Variants in CSMD1 observed in about 807,000 individuals in gnomAD.
CSMD1 encodes the protein CUB and Sushi multiple domains 1.
In CSMD1, 213 loss-of-function variants were observed where a neutral mutation model predicts 417.5. That is an observed-to-expected ratio of 0.51 (90% CI 0.46 to 0.57). The LOEUF (loss-of-function observed/expected upper bound fraction) is 0.57, where lower values mean the gene tolerates loss of function less well. Among genes scored for constraint, CSMD1 ranks in the 20% least tolerant of loss-of-function variants. The probability of loss-of-function intolerance (pLI) is 0.00; values close to 1 mark genes in which losing one functional copy is unlikely to be tolerated. For synonymous variants in CSMD1, 2,862 were observed against 1,736.8 expected (o/e 1.65, Z -16.11); for missense variants, 6,923 against 4,529.7 (o/e 1.53, Z -15.17).
Position 4,345,783 on chromosome 8 carries a change from A to C in CSMD1, c.415+74170T>G, listed in dbSNP as rs1284534399. Among the ~76,000 whole-genome samples the C allele has an allele frequency of 3.3e-5, 5 of 152,254 alleles. 1 individual carries two copies. Among genetic ancestry groups the C allele is most frequent in the African/African-American group, 9.6e-5 (4 of 41,564 alleles). ...TCATCTCAACCCCGTTAAAATGCTAATTCTTCCACAAAACCAGTCTGTGCC... is the reference window on the plus strand; with the variant it reads ...TCATCTCAACCCCGTTAAAATGCTACTTCTTCCACAAAACCAGTCTGTGCC... On this transcript the variant is annotated intron_variant, in intron 3 of 69. Transcript: ENST00000635120.
At position 3,723,884 on chromosome 8, in the gene CSMD1, T is replaced by C. The variant is rs1585135802; in HGVS notation, c.932-15393A>G. ...AATAGACCAACACGTTTTACTATAA[T>C]AAAGTGCAAAAAGTTGACTTATATG... On this transcript the variant is annotated intron_variant, in intron 6 of 69. Transcript: ENST00000635120. Among the ~76,000 whole-genome samples, 3 of 152,356 alleles carry C rather than the reference T, an allele frequency of 2.0e-5. No individual in the cohort carries two copies. In the South Asian group the frequency reaches 6.2e-4, roughly 32 times the overall value.
intron 3 of CSMD1, among the ~76,000 whole-genome samples, chr8:4,070,198 T>A (rs562043961): frequency 6.6e-6 from 1 of 152,316 alleles, no homozygotes; most frequent in East Asian, 1.9e-4. Context: ...AAACCTCTTT[T>A]TTTCTGTGTT....
chr8:3,405,192 C>T lies in CSMD1; in HGVS notation c.2266+835G>A, dbSNP rs1433452150. ...ACAAAAATGATATTTTACTTTTCTT[C>T]TTAAATTTGTACTTCTTTGATATAC... On this transcript the variant is annotated intron_variant, in intron 15 of 69. Coordinates refer to ENST00000635120, the MANE Select transcript of CSMD1 (RefSeq NM_033225.6). 2.0e-5 allele frequency among the ~76,000 whole-genome samples: 3 copies of T among 152,188 alleles called. No homozygotes were observed. The East Asian group carries it at 5.8e-4, about 29-fold the overall frequency.
chr8:4,439,587 T>C (rs1388360029), intron 2 of CSMD1, among the ~76,000 whole-genome samples: 1 of 152,178 alleles, frequency 6.6e-6, no homozygotes, highest in Non-Finnish European at 1.5e-5. Flanking sequence ...ATTTCTTTAT[T>C]ATTAACATAC....
intron 2 of CSMD1, among the ~76,000 whole-genome samples, chr8:4,572,351 G>T (rs1034735925): frequency 1.3e-5 from 2 of 152,152 alleles, no homozygotes; most frequent in African/African-American, 4.8e-5. Context: ...TTCTATGGAG[G>T]ATTTTATTTC....
intron 1 of CSMD1, among the ~76,000 whole-genome samples, chr8:4,921,011 GA>G (rs66586531): frequency 0.28 from 2,627 of 9,276 alleles, 471 homozygotes; most frequent in African/African-American, 0.42. Flanking sequence ...AAGAAAGAAA[GA>G]AAAGAAAGAA....
intron 3 of CSMD1, among the ~76,000 whole-genome samples, chr8:4,234,123 T>C (rs947143959): frequency 6.6e-5 from 10 of 152,148 alleles, no homozygotes; most frequent in African/African-American, 2.4e-4. Context: ...AGGAGTTAAA[T>C]GAAATGGAAG....
intron 12 of CSMD1, among the ~76,000 whole-genome samples, chr8:3,440,107 G>C (rs1814875657): frequency 6.6e-6 from 1 of 152,058 alleles, no homozygotes; most frequent in African/African-American, 2.4e-5. Flanking sequence ...ACTCAATTTT[G>C]TTCTTCAAAA....
At chr8:3,372,103 G>T (rs1313147495) in intron 18 of CSMD1, among the ~76,000 whole-genome samples, 1 of 152,184 alleles carries the variant, frequency 6.6e-6, no homozygotes, top group Non-Finnish European at 1.5e-5. Flanking sequence ...ACATGACTGT[G>T]AAGAAAATTA....
At chr8:4,585,617 T>C (rs1799660676) in intron 2 of CSMD1, among the ~76,000 whole-genome samples, 1 of 152,044 alleles carries the variant, frequency 6.6e-6, no homozygotes, top group Non-Finnish European at 1.5e-5. Flanking sequence ...AAAATTTTAA[T>C]CATAGAAAAA....
In CSMD1 at chr8:3,908,432, C is replaced by T. The variant is rs917858437; in HGVS notation, c.818+89471G>A. ...ATTCTGTGGGAATGTAAGCACAAAA[C>T]TTTGCTCGCAGATTTTCGGTGCACA... is the stretch of plus-strand genomic sequence containing the variant. On this transcript the variant is annotated intron_variant, in intron 5 of 69. Transcript: ENST00000635120. 3.3e-5 allele frequency among the ~76,000 whole-genome samples: 5 copies of T among 152,248 alleles called. No homozygotes were observed. In the East Asian group the frequency reaches 9.7e-4, roughly 29 times the overall value.
chr8:2,942,408 C>T (rs1801939977), intron 69 of CSMD1, 64 bp downstream of exon 69: 1 of 1,386,388 alleles, frequency 7.2e-7, no homozygotes, highest in African/African-American at 1.4e-5. Context: ...GAGAGCATGC[C>T]CATTACTTTA....
At chr8:4,929,994 C>T (rs1012362100) in intron 1 of CSMD1, among the ~76,000 whole-genome samples, 1 of 152,170 alleles carries the variant, frequency 6.6e-6, no homozygotes, top group African/African-American at 2.4e-5. Context: ...ACATTTTATT[C>T]ACGTTAAGCA....
intron 1 of CSMD1, among the ~76,000 whole-genome samples, chr8:4,950,581 T>A (rs1808676009): frequency 6.6e-6 from 1 of 152,206 alleles, no homozygotes; most frequent in Non-Finnish European, 1.5e-5. Context: ...TTAGTTTCTA[T>A]GTAAAACACT....
chr8:3,703,420 A>AGG (rs1004080958), intron 7 of CSMD1, among the ~76,000 whole-genome samples: 2 of 148,760 alleles, frequency 1.3e-5, no homozygotes, highest in Admixed American at 1.4e-4. Flanking sequence ...CAAAGCACAG[A>AGG]GATTCCTTTC....
At chr8:3,351,609 A>AAAAG (rs1808428384) in intron 21 of CSMD1, among the ~76,000 whole-genome samples, 1 of 150,644 alleles carries the variant, frequency 6.6e-6, no homozygotes, top group Admixed American at 6.6e-5. Context: ...AAAAAAAAAA[A>AAAAG]AAAAGAAAAG....
intron 3 of CSMD1, among the ~76,000 whole-genome samples, chr8:4,406,607 G>T (rs1163620791): frequency 2.0e-5 from 3 of 152,124 alleles, no homozygotes; most frequent in Admixed American, 1.3e-4. Flanking sequence ...CCACACCAAG[G>T]AAAGTGACCG....
At chr8:4,669,087 T>C (rs1805129043) in intron 1 of CSMD1, among the ~76,000 whole-genome samples, 1 of 152,218 alleles carries the variant, frequency 6.6e-6, no homozygotes, top group South Asian at 2.1e-4. Context: ...TACAGACTTA[T>C]AAAGCTTTAC....
At chr8:4,703,155 G>C (rs1255067952) in intron 1 of CSMD1, among the ~76,000 whole-genome samples, 1 of 152,118 alleles carries the variant, frequency 6.6e-6, no homozygotes, top group Non-Finnish European at 1.5e-5. Flanking sequence ...AAAAAGTATG[G>C]ATCTCCATTT....
Sources: allele counts gnomAD v4.1 joint callset (sites outside exome capture counted in the v4.1 genomes callset), GRCh38; gene constraint gnomAD v4.1.1; transcripts MANE v1.5; gene names NCBI Gene and HGNC (gene_info 2026-07-23, HGNC 2026-07-21).